Variants in SUSD3 observed in about 807,000 individuals in gnomAD.
SUSD3 encodes the protein sushi domain containing 3, also known as sushi domain-containing protein 3.
A neutral mutation model predicts 20.6 loss-of-function variants in SUSD3; 18 were observed. The ratio of observed to expected loss-of-function variants is 0.87; its 90% CI spans 0.60 to 1.30. The LOEUF is 1.30. Among genes scored for constraint, SUSD3 ranks in the 50% most tolerant of loss-of-function variants. SUSD3 has a pLI of 0.00. For missense variants in SUSD3, 306 were observed against 346.9 expected (o/e 0.88, Z 0.94); for synonymous variants, 137 against 141.5 (o/e 0.97, Z 0.23).
intron 2 of SUSD3, among the ~76,000 whole-genome samples, chr9:93,076,301 CTA>C: frequency 7.1e-6 from 1 of 140,654 alleles, no homozygotes; most frequent in Admixed American, 6.8e-5. Flanking sequence ...AAGCAGGAAA[CTA>C]TGTTTGTTCA....
At chr9:93,082,865 G>A (rs1587924361) in intron 4 of SUSD3, among the ~76,000 whole-genome samples, 2 of 152,198 alleles carry the variant, frequency 1.3e-5, no homozygotes, top group Non-Finnish European at 2.9e-5. Flanking sequence ...AGCTGCTGCC[G>A]CTGCCGCAGG....
In SUSD3 at chr9:93,084,642, C is replaced by G. The variant is rs756767629; in HGVS notation, c.663C>G (p.Pro221=). Reference sequence around the variant, plus strand: ...GCCTCAGTGGCTCCTCCAGCTCACCCCAAGCCCAGGTGATGGTGCACATGG... The same window carrying G: ...GCCTCAGTGGCTCCTCCAGCTCACCGCAAGCCCAGGTGATGGTGCACATGG... ...ALSLSGSSSS[P]QAQVMVHMAN... is the part of the protein sequence containing the mutation. Residue 221 remains proline (P), a synonymous_variant, in exon 5 of 5, where the codon CCC becomes CCG. Coordinates refer to ENST00000375472, the MANE Select transcript of SUSD3 (RefSeq NM_145006.4). 6.2e-7 allele frequency: 1 copy of G among 1,609,412 alleles called. No homozygotes were observed. Among genetic ancestry groups the G allele is most frequent in the South Asian group, 1.1e-5 (1 of 90,006 alleles).
intron 1 of SUSD3, among the ~76,000 whole-genome samples, chr9:93,064,946 G>A (rs571931219): frequency 1.3e-5 from 2 of 152,316 alleles, no homozygotes; most frequent in Admixed American, 1.3e-4. Flanking sequence ...GGTCACATCC[G>A]TCTTGTTTGA....
intron 1 of SUSD3, among the ~76,000 whole-genome samples, chr9:93,070,328 TGAACA>T (rs1250195040): frequency 6.6e-6 from 1 of 152,208 alleles, no homozygotes; most frequent in East Asian, 1.9e-4. Flanking sequence ...GGGGTGCTCT[TGAACA>T]GAATATTCTA....
At chr9:93,069,653 T>A (rs1825839888) in intron 1 of SUSD3, among the ~76,000 whole-genome samples, 1 of 152,248 alleles carries the variant, frequency 6.6e-6, no homozygotes, top group South Asian at 2.1e-4. Context: ...CTTCTGTATG[T>A]TGACCTGGTA....
intron 1 of SUSD3, among the ~76,000 whole-genome samples, chr9:93,068,329 C>T (rs1825791769): frequency 6.6e-6 from 1 of 152,178 alleles, no homozygotes; most frequent in Admixed American, 6.5e-5. Context: ...ATAGTTTTAG[C>T]TCTTACTTTT....
At chr9:93,066,578 C>T (rs1457562682) in intron 1 of SUSD3, among the ~76,000 whole-genome samples, 1 of 152,110 alleles carries the variant, frequency 6.6e-6, no homozygotes, top group African/African-American at 2.4e-5. Flanking sequence ...GACATATTTT[C>T]CCCCTGATTT....
rs375674684 is a variant in SUSD3, at chr9:93,084,777, A to G, written c.*30A>G. The G allele has an allele frequency of 2.8e-5, 40 of 1,452,072 alleles. No homozygotes were observed. The African/African-American group carries it at 4.9e-4, about 18-fold the overall frequency. The allele number at this position is 1,452,072 out of a possible 1,614,324, so 89.9% of individuals were successfully genotyped here. On this transcript the variant is annotated 3_prime_UTR_variant, in exon 5 of 5. Coordinates refer to ENST00000375472, the MANE Select transcript of SUSD3 (RefSeq NM_145006.4). ...GCAGTGAGGCTGGTGCCCATGCTCC[A>G]CACTGGGAGGCCAGGCTGACCCCAC...
At chr9:93,070,146 A>G (rs553517290) in intron 1 of SUSD3, among the ~76,000 whole-genome samples, 2 of 152,188 alleles carry the variant, frequency 1.3e-5, no homozygotes, top group African/African-American at 2.4e-5. Flanking sequence ...TTATTAATAT[A>G]TAAGTGCTGT....
chr9:93,076,140 C>T (rs147076888), intron 2 of SUSD3, among the ~76,000 whole-genome samples, 168 bp downstream of exon 2: 130 of 152,264 alleles, frequency 8.5e-4, no homozygotes, highest in African/African-American at 2.9e-3. Flanking sequence ...TGTCAGCAGC[C>T]GGCTGTAGGC....
intron 1 of SUSD3, 86 bp from the exon 2 acceptor site, chr9:93,075,698 C>T: frequency 1.1e-6 from 1 of 889,118 alleles, no homozygotes; most frequent in Non-Finnish European, 1.7e-6. Flanking sequence ...GCTGTGCCAG[C>T]TCCTCACTCC....
intron 1 of SUSD3, chr9:93,069,067 T>C (rs1263546536): frequency 1.4e-6 from 1 of 701,888 alleles, no homozygotes; most frequent in Non-Finnish European, 2.6e-6. Context: ...TGATGTGAGA[T>C]GATAAAATGC....
intron 1 of SUSD3, among the ~76,000 whole-genome samples, chr9:93,066,726 T>TA (rs1825729218): frequency 6.6e-6 from 1 of 151,470 alleles, no homozygotes; most frequent in African/African-American, 2.4e-5. Flanking sequence ...TATTTTATTT[T>TA]TTGAGACGGA....
At position 93,077,847 on chromosome 9, in the gene SUSD3, G is replaced by C; in HGVS notation, c.279G>C (p.Leu93=). The C allele has an allele frequency of 6.2e-7, 1 of 1,614,144 alleles. No individual in the cohort carries two copies. The change falls in exon 3 of 5, where the codon CTG becomes CTC. Residue 93 remains leucine, a splice_region_variant and synonymous_variant. Coordinates refer to ENST00000375472, the MANE Select transcript of SUSD3 (RefSeq NM_145006.4). ...EWSSGSPVCK[L]VPPHETFGFK... ...AGCTGGTGGTTGTCTCCCACACAGTGGTGCCACCACACGAGACCTTTGGCT... is the reference window on the plus strand; with the variant it reads ...AGCTGGTGGTTGTCTCCCACACAGTCGTGCCACCACACGAGACCTTTGGCT...
intron 1 of SUSD3, chr9:93,069,143 T>C: frequency 1.4e-6 from 1 of 702,804 alleles, no homozygotes; most frequent in East Asian, 2.7e-5. Context: ...ATTCCAGAGA[T>C]AATTTGTAAG....
Position 93,084,736 on chromosome 9 carries a change from G to A in SUSD3, c.757G>A (p.Ala253Thr). The A allele has an allele frequency of 6.6e-7, 1 of 1,524,292 alleles. No homozygotes were observed. Among genetic ancestry groups the A allele is most frequent in the Non-Finnish European group, 8.8e-7 (1 of 1,133,184 alleles). 94.4% of individuals were successfully genotyped at this position (1,524,292 alleles called of 1,614,324 possible). A position where few individuals can be genotyped will look rare whatever the true frequency, so the allele number is the denominator to read the frequency against. Residue 253 changes from alanine to threonine, a missense_variant, in exon 5 of 5, where the codon GCC becomes ACC. Coordinates refer to ENST00000375472, the MANE Select transcript of SUSD3 (RefSeq NM_145006.4). ...TGMPQQPAAY[A>T]LG ...AATGCCACAACAGCCCGCAGCATAT[G>A]CCCTAGGGTGACCACGCAGTGAGGC...
At chr9:93,076,286 C>A (rs1281533854) in intron 2 of SUSD3, among the ~76,000 whole-genome samples, 1 of 151,056 alleles carries the variant, frequency 6.6e-6, no homozygotes, top group Admixed American at 6.6e-5. Context: ...ACGTTTTCAT[C>A]TGTTAAGCAG....
intron 1 of SUSD3, among the ~76,000 whole-genome samples, chr9:93,062,401 A>G (rs2118902767): frequency 6.6e-6 from 1 of 152,366 alleles, no homozygotes. Context: ...CAGGTAAGAA[A>G]TGCCCCAGCA....
At chr9:93,080,331 A>AC (rs1564195343) in intron 4 of SUSD3, among the ~76,000 whole-genome samples, 1 of 151,406 alleles carries the variant, frequency 6.6e-6, no homozygotes, top group Non-Finnish European at 1.5e-5. Context: ...AAAAAAAAAA[A>AC]AAAAAAAAAC....
Sources: allele counts gnomAD v4.1 joint callset (sites outside exome capture counted in the v4.1 genomes callset), GRCh38; gene constraint gnomAD v4.1.1; transcripts MANE v1.5; gene names NCBI Gene and HGNC (gene_info 2026-07-23, HGNC 2026-07-21).